DENND2B: variants seen among roughly 807,000 people sequenced by gnomAD.
DENND2B encodes the protein DENN domain-containing protein 2B.
In DENND2B, 32 loss-of-function variants were observed where a neutral mutation model predicts 116.0. That is an observed-to-expected ratio of 0.28 (90% CI 0.21 to 0.37). The LOEUF is 0.37. Among genes scored for constraint, DENND2B ranks in the 10% least tolerant of loss-of-function variants. The probability of loss-of-function intolerance (pLI) is 1.00; values close to 1 mark genes in which losing one functional copy is unlikely to be tolerated. For synonymous variants in DENND2B, 588 were observed against 583.9 expected (o/e 1.01, Z -0.10); for missense variants, 1,276 against 1,477.7 (o/e 0.86, Z 2.24).
Position 8,695,489 on chromosome 11 carries a change from C to A in DENND2B, c.3353G>T (p.Gly1118Val), listed in dbSNP as rs1339651830. ...CAAACCTCGGAGAAACTTATTCATT[C>A]CACTCTGCTCAGTGTCTGGGAGTTC... Reference protein sequence around the residue: ...LEELPDTEQSGMNKFLRGLGN... With the variant: ...LEELPDTEQSVMNKFLRGLGN... Residue 1118 changes from glycine (G) to valine (V), a missense_variant, in exon 19 of 20, where the codon GGA becomes GTA. By Grantham distance (109) the Gly-to-Val change is moderately radical. Transcript: ENST00000313726. 6.2e-7 allele frequency: 1 copy of A among 1,613,956 alleles called. No homozygotes were observed. The highest frequency in any genetic ancestry group is 8.5e-7 in the Non-Finnish European group (1 of 1,180,026).
At chr11:8,718,128 GC>G (rs1592656710) in intron 4 of DENND2B, 1 of 30,754 alleles carries the variant, frequency 3.3e-5, no homozygotes, top group African/African-American at 2.4e-4. Context: ...CCCACCCCCA[GC>G]CCAGCTCAGC....
intron 1 of DENND2B, among the ~76,000 whole-genome samples, chr11:8,789,771 T>G (rs1301662818): frequency 7.7e-6 from 1 of 129,452 alleles, no homozygotes; most frequent in Non-Finnish European, 1.8e-5. Flanking sequence ...GAGCCCCATC[T>G]CTACAAAAAA....
chr11:8,909,451 G>A (rs1409313326), intron 1 of DENND2B, among the ~76,000 whole-genome samples: 1 of 151,060 alleles, frequency 6.6e-6, no homozygotes, highest in Non-Finnish European at 1.5e-5. Context: ...GAAGGAGAAG[G>A]AGAAGGAGAA....
intron 1 of DENND2B, among the ~76,000 whole-genome samples, chr11:8,769,084 C>A (rs1355327130): frequency 1.3e-5 from 2 of 152,030 alleles, no homozygotes; most frequent in Admixed American, 6.5e-5. Context: ...AGGCACTCCC[C>A]CTATGTCCCC....
At chr11:8,785,749 C>A (rs911981804) in intron 1 of DENND2B, 2 of 152,258 alleles carry the variant, frequency 1.3e-5, no homozygotes, top group Non-Finnish European at 2.9e-5. Flanking sequence ...ACTGAGCCAG[C>A]CTCCCATTTG....
At chr11:8,750,152 C>A (rs930421676) in intron 2 of DENND2B, among the ~76,000 whole-genome samples, 1 of 152,212 alleles carries the variant, frequency 6.6e-6, no homozygotes, top group Non-Finnish European at 1.5e-5. Flanking sequence ...GTGGTTAGAA[C>A]CTGGATTTGA....
chr11:8,710,815 C>G (rs1302346249), intron 11 of DENND2B, 30 bp downstream of exon 11: 1 of 1,608,704 alleles, frequency 6.2e-7, no homozygotes, highest in Non-Finnish European at 8.5e-7. Flanking sequence ...CCCCTGCCTG[C>G]TGGCCTGAGG....
At chr11:8,710,597 G>A (rs955951959) in intron 11 of DENND2B, among the ~76,000 whole-genome samples, 8 of 152,062 alleles carry the variant, frequency 5.3e-5, no homozygotes, top group African/African-American at 1.9e-4. Flanking sequence ...CCTTACTCCA[G>A]ATAACCTCCG....
At chr11:8,847,570 T>G (rs1048158908) in intron 3 of DENND2B, among the ~76,000 whole-genome samples, 15 of 151,996 alleles carry the variant, frequency 9.9e-5, no homozygotes, top group African/African-American at 3.1e-4. Context: ...AAAACAAAGC[T>G]TAACGATAGA....
intron 1 of DENND2B, among the ~76,000 whole-genome samples, chr11:8,797,544 CCTCTT>C (rs527495751): frequency 4.2e-4 from 61 of 144,552 alleles, no homozygotes; most frequent in South Asian, 1.1e-3. Flanking sequence ...TTCCCCCTTT[CCTCTT>C]CTCTTCTCTT....
chr11:8,839,872 A>G (rs2062565659), intron 3 of DENND2B, among the ~76,000 whole-genome samples: 3 of 152,206 alleles, frequency 2.0e-5, no homozygotes, highest in Admixed American at 2.0e-4. Context: ...CAGGAGAATG[A>G]GAAAAGGACT....
In DENND2B at chr11:8,730,510, C is replaced by A; in HGVS notation, c.780G>T (p.Leu260=). Residue 260 remains leucine (L), a synonymous_variant, in exon 3 of 20, where the codon CTG becomes CTT. Transcript: ENST00000313726. This position sits in a 1 kb window ranked among gnomAD's most constrained non-coding sequence, Gnocchi z 4.1. ...GGAAGGCGCTGGGCTCACTCCGGCC[C>A]AGCCGTTTCTCCAGCCGGTAGAAAG... is the stretch of plus-strand genomic sequence containing the variant. ...RDSFYRLEKR[L]GRSEPSAFLR... The A allele has an allele frequency of 3.1e-6, 5 of 1,612,774 alleles. No homozygotes were observed. Among genetic ancestry groups the A allele is most frequent in the Non-Finnish European group, 4.2e-6 (5 of 1,180,038 alleles).
At chr11:8,884,740 CT>C (rs1413178564) in intron 1 of DENND2B, among the ~76,000 whole-genome samples, 1 of 152,104 alleles carries the variant, frequency 6.6e-6, no homozygotes, top group Non-Finnish European at 1.5e-5. Flanking sequence ...TTGCTGAATC[CT>C]TTGGCTTTAT....
rs1322176264 is a variant in DENND2B at position 8,700,098 on chromosome 11, C to A, written c.2721-708G>T. 7.9e-5 allele frequency: 35 copies of A among 441,926 alleles called. No homozygotes were observed. In the Admixed American group the frequency reaches 8.6e-4, roughly 11 times the overall value. 27.4% of individuals were successfully genotyped at this position (441,926 alleles called of 1,614,324 possible). ...GCAGGGTGGCAAAGAGGAAGCTCAGCCCTGAATTAGAGGGTAGAACCTTCA... is the reference window on the plus strand; with the variant it reads ...GCAGGGTGGCAAAGAGGAAGCTCAGACCTGAATTAGAGGGTAGAACCTTCA... On this transcript the variant is annotated intron_variant, in intron 14 of 19. Coordinates refer to ENST00000313726, the MANE Select transcript of DENND2B (RefSeq NM_213618.2).
At chr11:8,903,905 A>AAAG (rs2064203339) in intron 1 of DENND2B, among the ~76,000 whole-genome samples, 1 of 151,424 alleles carries the variant, frequency 6.6e-6, no homozygotes, top group African/African-American at 2.4e-5. Context: ...AAAAAAAAAA[A>AAAG]AAAAAAGAAG....
At chr11:8,718,863 C>T (rs977011791) in intron 4 of DENND2B, 10 of 995,710 alleles carry the variant, frequency 1.0e-5, no homozygotes, top group African/African-American at 3.5e-5. Flanking sequence ...CCAACACACA[C>T]ATTTTCTAAA....
chr11:8,872,241 A>C (rs922531530), upstream of DENND2B, among the ~76,000 whole-genome samples: 1 of 152,172 alleles, frequency 6.6e-6, no homozygotes, highest in African/African-American at 2.4e-5. Flanking sequence ...TAATCCCAGC[A>C]CTTTGGAGGC....
chr11:8,700,557 T>G (rs1220554504), intron 14 of DENND2B, among the ~76,000 whole-genome samples: 1 of 152,138 alleles, frequency 6.6e-6, no homozygotes, highest in African/African-American at 2.4e-5. Flanking sequence ...CGGAAGGAAA[T>G]ACCCCAGGGA....
chr11:8,887,986 G>A (rs1259619086), intron 1 of DENND2B, among the ~76,000 whole-genome samples: 1 of 152,196 alleles, frequency 6.6e-6, no homozygotes, highest in Non-Finnish European at 1.5e-5. Context: ...GGCCAGTTAT[G>A]TTCTCTGCAC....
Sources: gnomAD v4.1 joint callset for allele counts (sites outside exome capture counted in the v4.1 genomes callset) on GRCh38, gnomAD v4.1.1 for gene constraint, Gnocchi (gnomAD v3.1) non-coding constraint, MANE v1.5 for transcripts, NCBI Gene and HGNC (gene_info 2026-07-23, HGNC 2026-07-21) for gene names.